The following TTC28 variants were observed in gnomAD, a reference collection of about 807,000 sequenced individuals.
TTC28 encodes tetratricopeptide repeat protein 28.
A neutral mutation model predicts 198.0 loss-of-function variants in TTC28; 61 were observed. The ratio of observed to expected loss-of-function variants is 0.31; its 90% CI spans 0.25 to 0.38. TTC28 has a LOEUF of 0.38. Among genes scored for constraint, TTC28 ranks in the 10% least tolerant of loss-of-function variants. TTC28 has a pLI of 1.00. For missense variants in TTC28, 2,678 were observed against 3,164.0 expected (o/e 0.85, Z 3.69); for synonymous variants, 1,171 against 1,297.8 (o/e 0.90, Z 2.10).
intron 2 of TTC28, among the ~76,000 whole-genome samples, chr22:28,411,841 T>C (rs1360794274): frequency 6.6e-6 from 1 of 152,192 alleles, no homozygotes; most frequent in African/African-American, 2.4e-5. Context: ...CTTGTTGCCA[T>C]TCTGAGATCT....
intron 12 of TTC28, among the ~76,000 whole-genome samples, chr22:28,085,725 T>A (rs1338413554): frequency 1.3e-5 from 2 of 151,954 alleles, no homozygotes; most frequent in Non-Finnish European, 2.9e-5. Context: ...GCAAATTGGA[T>A]AAAGAGTCAA....
chr22:28,271,011 T>C (rs1213949541), intron 5 of TTC28, among the ~76,000 whole-genome samples: 2 of 152,228 alleles, frequency 1.3e-5, no homozygotes, highest in Middle Eastern at 3.2e-3. Flanking sequence ...ATCTCTTTTT[T>C]ATAAAAGAAG....
intron 2 of TTC28, among the ~76,000 whole-genome samples, chr22:28,600,833 T>C (rs1276333235): frequency 6.6e-6 from 1 of 152,220 alleles, no homozygotes; most frequent in African/African-American, 2.4e-5. Flanking sequence ...CAAGGATTTA[T>C]AAAAGATTCT....
chr22:28,481,118 T>A (rs865921513), intron 2 of TTC28, among the ~76,000 whole-genome samples: 10 of 152,230 alleles, frequency 6.6e-5, no homozygotes, highest in African/African-American at 2.2e-4. Flanking sequence ...CATTACATAT[T>A]TAAAGTCAAC....
At position 27,990,814 on chromosome 22, in the gene TTC28, T is replaced by C; in HGVS notation, c.5554-2A>G. 1.3e-6 allele frequency: 2 copies of C among 1,549,532 alleles called. No individual in the cohort carries two copies. Among genetic ancestry groups the C allele is most frequent in the Non-Finnish European group, 1.7e-6 (2 of 1,146,808 alleles). ...CATTCCAACCATATTTTTAACAGCC[T>C]TCGGCCAGCAGATTATAAGAAAAAG... On this transcript the variant is annotated splice_acceptor_variant, in intron 19 of 22. Coordinates refer to ENST00000397906, the MANE Select transcript of TTC28 (RefSeq NM_001145418.2). LOFTEE classifies it high-confidence loss of function.
chr22:27,989,200 G>A (rs749655507), intron 21 of TTC28, among the ~76,000 whole-genome samples: 37 of 151,560 alleles, frequency 2.4e-4, no homozygotes, highest in Non-Finnish European at 4.1e-4. Flanking sequence ...AAGGGAAATC[G>A]AGTGTCCTGC....
chr22:28,200,208 GCCT>G (rs1352612289), intron 5 of TTC28, among the ~76,000 whole-genome samples: 1 of 152,052 alleles, frequency 6.6e-6, no homozygotes, highest in Admixed American at 6.6e-5. Context: ...CCTTGCCTCA[GCCT>G]CCTAAGTAGC....
chr22:28,419,228 A>C (rs2047212699), intron 2 of TTC28, among the ~76,000 whole-genome samples: 1 of 152,166 alleles, frequency 6.6e-6, no homozygotes, highest in Non-Finnish European at 1.5e-5. Context: ...TCTACTTGTT[A>C]AAATTCTATC....
intron 2 of TTC28, among the ~76,000 whole-genome samples, chr22:28,336,483 TG>T (rs1336263607): frequency 6.6e-6 from 1 of 152,204 alleles, no homozygotes; most frequent in African/African-American, 2.4e-5. Context: ...TTTTTTTGGT[TG>T]GTAAGCTATT....
chr22:28,093,779 T>C (rs1219350334), intron 12 of TTC28, among the ~76,000 whole-genome samples: 1 of 152,188 alleles, frequency 6.6e-6, no homozygotes, highest in Non-Finnish European at 1.5e-5. Flanking sequence ...AATTGGCTGG[T>C]ATGTTAAATT....
chr22:28,233,525 G>A (rs963776817), intron 5 of TTC28, among the ~76,000 whole-genome samples: 1 of 152,052 alleles, frequency 6.6e-6, no homozygotes, highest in Admixed American at 6.6e-5. Flanking sequence ...AAAATAAAAT[G>A]ATAAAAAATA....
intron 5 of TTC28, among the ~76,000 whole-genome samples, chr22:28,293,708 A>G (rs1238328975): frequency 6.6e-6 from 1 of 152,224 alleles, no homozygotes; most frequent in Non-Finnish European, 1.5e-5. Flanking sequence ...GAATAAAAAA[A>G]CTAAGAAAAA....
chr22:28,670,306 T>A (rs2051858612), intron 1 of TTC28, among the ~76,000 whole-genome samples: 1 of 152,164 alleles, frequency 6.6e-6, no homozygotes, highest in South Asian at 2.1e-4. Context: ...AATAGTCTCA[T>A]CACCCCATAC....
At chr22:28,001,795 G>T (rs1244021310) in intron 14 of TTC28, 3 of 549,426 alleles carry the variant, frequency 5.5e-6, no homozygotes, top group Non-Finnish European at 9.8e-6. Flanking sequence ...ACAGTCCTGA[G>T]AAGGTTAGAG....
At chr22:28,099,867 A>C (rs1160629066) in intron 9 of TTC28, among the ~76,000 whole-genome samples, 2 of 152,162 alleles carry the variant, frequency 1.3e-5, no homozygotes, top group Non-Finnish European at 2.9e-5. Context: ...ACACTCTCTG[A>C]AGGGCGATAG....
intron 2 of TTC28, among the ~76,000 whole-genome samples, chr22:28,387,090 G>A (rs1421271367): frequency 4.6e-5 from 7 of 151,876 alleles, no homozygotes; most frequent in Non-Finnish European, 7.4e-5. Flanking sequence ...GAGAATATGC[G>A]GTGTTTGGTT....
intron 5 of TTC28, among the ~76,000 whole-genome samples, chr22:28,191,758 GC>G (rs1307912095): frequency 2.6e-5 from 4 of 152,286 alleles, no homozygotes; most frequent in African/African-American, 9.6e-5. Flanking sequence ...GCCTGACATT[GC>G]CCAGGCTTCA....
intron 5 of TTC28, among the ~76,000 whole-genome samples, chr22:28,224,553 A>T (rs1178401941): frequency 6.6e-6 from 1 of 152,112 alleles, no homozygotes; most frequent in African/African-American, 2.4e-5. Flanking sequence ...TCTGCTAAAA[A>T]CTAGGAGCTG....
chr22:28,563,681 C>G (rs2049926225), intron 2 of TTC28, among the ~76,000 whole-genome samples: 1 of 151,982 alleles, frequency 6.6e-6, no homozygotes, highest in Non-Finnish European at 1.5e-5. Flanking sequence ...AAATTGGAAC[C>G]CTTGTAGATT....
Sources: gnomAD v4.1 joint callset for allele counts (sites outside exome capture counted in the v4.1 genomes callset) on GRCh38, gnomAD v4.1.1 for gene constraint, MANE v1.5 for transcripts, NCBI Gene and HGNC (gene_info 2026-07-23, HGNC 2026-07-21) for gene names.